TTLL9: variants seen among roughly 807,000 people sequenced by gnomAD.
TTLL9 encodes the protein tubulin tyrosine ligase like 9.
In TTLL9, 47 loss-of-function variants were observed where a neutral mutation model predicts 65.6. That is an observed-to-expected ratio of 0.72 (90% CI 0.57 to 0.91). TTLL9 has a LOEUF of 0.91. TTLL9 is among the 40% of genes least tolerant of loss of function. The pLI is 0.00. For missense variants in TTLL9, 537 were observed against 568.8 expected (o/e 0.94, Z 0.57); for synonymous variants, 179 against 204.8 (o/e 0.87, Z 1.07).
At chr20:31,913,939 G>C (rs1037820794) in intron 6 of TTLL9, among the ~76,000 whole-genome samples, 3 of 152,218 alleles carry the variant, frequency 2.0e-5, no homozygotes, top group Admixed American at 6.5e-5. Flanking sequence ...GGAGGCGACT[G>C]CTTGGCTGTC....
intron 10 of TTLL9, among the ~76,000 whole-genome samples, chr20:31,927,160 G>A (rs981486269): frequency 1.3e-5 from 2 of 151,332 alleles, no homozygotes; most frequent in Non-Finnish European, 2.9e-5. Context: ...ATATATGTTT[G>A]CTTATCTGTA....
rs563025466 is a variant in TTLL9, at chr20:31,919,007, G to A, written c.505-857G>A. Among the ~76,000 whole-genome samples the A allele has an allele frequency of 8.5e-5, 13 of 152,322 alleles. No individual in the cohort carries two copies. In the East Asian group the frequency reaches 2.5e-3, roughly 29 times the overall value. On this transcript the variant is annotated intron_variant, in intron 6 of 14. Coordinates refer to ENST00000535842, the MANE Select transcript of TTLL9 (RefSeq NM_001008409.5). ...AGAGAGCCTCGGGTGGGCCAGGTGG[G>A]CCATGCTCAGAGGAGAACAGAAGGA...
intron 6 of TTLL9, among the ~76,000 whole-genome samples, chr20:31,913,355 C>T (rs557456824): frequency 4.6e-5 from 7 of 152,172 alleles, no homozygotes; most frequent in Non-Finnish European, 7.4e-5. Context: ...GTATTAGTTC[C>T]GGGACCTTAT....
At chr20:31,890,154 C>CCTCCTTCTTTCTTTCTTTCTTTCT (rs2063281123) in intron 3 of TTLL9, among the ~76,000 whole-genome samples, 1 of 13,576 alleles carries the variant, frequency 7.4e-5, no homozygotes, top group Admixed American at 8.6e-4. Flanking sequence ...TCCTTCCTTC[C>CCTCCTTCTTTCTTTCTTTCTTTCT]TTCTTTCTTT....
At chr20:31,923,383 C>T (rs1306517070) in intron 8 of TTLL9, among the ~76,000 whole-genome samples, 4 of 152,218 alleles carry the variant, frequency 2.6e-5, no homozygotes, top group Non-Finnish European at 5.9e-5. Flanking sequence ...ACCCTGCTCT[C>T]CTGGAGCTTA....
intron 13 of TTLL9, among the ~76,000 whole-genome samples, chr20:31,938,806 G>A (rs555396957): frequency 2.6e-5 from 4 of 152,266 alleles, no homozygotes; most frequent in Non-Finnish European, 5.9e-5. Flanking sequence ...TGAACCAGGA[G>A]GCAGAAGTTG....
At chr20:31,875,033 T>G (rs1042207123) in intron 2 of TTLL9, among the ~76,000 whole-genome samples, 9 of 152,206 alleles carry the variant, frequency 5.9e-5, no homozygotes, top group African/African-American at 1.7e-4. Context: ...TACATTTGTG[T>G]TGTTTTAAGT....
intron 3 of TTLL9, among the ~76,000 whole-genome samples, chr20:31,889,976 TTCTTTCTTTCTTTC>T (rs2063264565): frequency 2.9e-5 from 1 of 34,546 alleles, no homozygotes; most frequent in African/African-American, 1.9e-4. Flanking sequence ...ATCTCTCTCT[TTCTTTCTTTCTTTC>T]TTTCTTTCTT....
Position 31,944,794 on chromosome 20 carries a change from G to A in TTLL9, c.*1773G>A, listed in dbSNP as rs2064294647. ...TATGAGCCAGAGCCAAGGAGCGGGGGGACCAGGAGAGGTGTGCCCCTGCCA... is the reference window on the plus strand; with the variant it reads ...TATGAGCCAGAGCCAAGGAGCGGGGAGACCAGGAGAGGTGTGCCCCTGCCA... On this transcript the variant is annotated 3_prime_UTR_variant, in exon 15 of 15. Transcript: ENST00000535842. The A allele has an allele frequency of 6.6e-6, 1 of 152,212 alleles. No individual in the cohort carries two copies. Among genetic ancestry groups the A allele is most frequent in the African/African-American group, 2.4e-5 (1 of 41,442 alleles). 9.4% of individuals were successfully genotyped at this position (152,212 alleles called of 1,614,324 possible).
intron 2 of TTLL9, chr20:31,879,693 C>T (rs965840561): frequency 1.7e-5 from 15 of 861,798 alleles, no homozygotes; most frequent in Non-Finnish European, 2.4e-5. Flanking sequence ...GGGACCTAGG[C>T]TGCCAGGACG....
In TTLL9 at chr20:31,925,896, C is replaced by T. The variant is rs115055710; in HGVS notation, c.706-153C>T. The T allele has an allele frequency of 1.4e-3, 2,107 of 1,551,942 alleles. 22 individuals are homozygous for T. In the African/African-American group the frequency reaches 0.026, roughly 19 times the overall value. On this transcript the variant is annotated intron_variant, in intron 9 of 14. Coordinates refer to ENST00000535842, the MANE Select transcript of TTLL9 (RefSeq NM_001008409.5). The stretch of plus-strand genomic sequence containing the variant: ...AGTACATCCCGCTGCGGGCCTGGCT[C>T]TACCGGGATGGCTTTGCCCGATTCT...
chr20:31,876,097 T>C (rs2063034184), intron 2 of TTLL9, among the ~76,000 whole-genome samples: 1 of 152,234 alleles, frequency 6.6e-6, no homozygotes, highest in Non-Finnish European at 1.5e-5. Flanking sequence ...GTTTTGGGGA[T>C]ATGTACATAC....
At chr20:31,890,462 T>C (rs1056121839) in intron 3 of TTLL9, among the ~76,000 whole-genome samples, 8 of 152,060 alleles carry the variant, frequency 5.3e-5, no homozygotes, top group African/African-American at 1.7e-4. Flanking sequence ...TCTGTTTCAT[T>C]GTGTATCGCA....
At chr20:31,911,373 G>T (rs1335727884) in intron 6 of TTLL9, among the ~76,000 whole-genome samples, 1 of 152,192 alleles carries the variant, frequency 6.6e-6, no homozygotes. Flanking sequence ...GAGCAGGAGG[G>T]TGGAGGGAGC....
intron 10 of TTLL9, among the ~76,000 whole-genome samples, chr20:31,927,018 G>C (rs192488671): frequency 1.3e-5 from 2 of 152,170 alleles, no homozygotes; most frequent in Admixed American, 1.3e-4. Context: ...ACTCAAGTGA[G>C]GTGGGAGGAT....
rs1568714572 is a variant in TTLL9, at chr20:31,870,796, C to G, written c.-159C>G. ...GAGCCCCCCGGCCGGCCCACAAACT[C>G]CCGTCCCCCTTCCGGCTCTGCCTGG... On this transcript the variant is annotated 5_prime_UTR_variant, in exon 1 of 15. Transcript: ENST00000535842. The surrounding 1 kb of genome is among the most constrained non-coding windows in gnomAD (Gnocchi z 6.6). 2 of 496,814 alleles carry G rather than the reference C, an allele frequency of 4.0e-6. No homozygotes were observed. The highest frequency in any genetic ancestry group is 6.9e-6 in the Non-Finnish European group (2 of 288,254). 30.8% of individuals were successfully genotyped at this position (496,814 alleles called of 1,614,324 possible). A position where few individuals can be genotyped will look rare whatever the true frequency, so the allele number is the denominator to read the frequency against.
chr20:31,893,211 T>C (rs2063332063), intron 3 of TTLL9, among the ~76,000 whole-genome samples: 1 of 152,174 alleles, frequency 6.6e-6, no homozygotes, highest in South Asian at 2.1e-4. Context: ...TTGATCTTTT[T>C]TTCTTTAAGC....
intron 3 of TTLL9, among the ~76,000 whole-genome samples, chr20:31,893,088 C>T (rs558571082): frequency 7.2e-5 from 11 of 152,004 alleles, no homozygotes; most frequent in Non-Finnish European, 1.6e-4. Flanking sequence ...TTTAGTGTTT[C>T]TTATAGTGTG....
Position 31,943,495 on chromosome 20 carries a change from A to G in TTLL9, c.*474A>G, listed in dbSNP as rs892140051. On this transcript the variant is annotated 3_prime_UTR_variant, in exon 15 of 15. Transcript: ENST00000535842. ...AGGAGCAAGAGTTTGGAGGCTAAGG[A>G]ACTCGTCTTTAAGCTGTGCTTACAC... 1.8e-5 allele frequency: 6 copies of G among 325,438 alleles called. No homozygotes were observed. Among genetic ancestry groups the G allele is most frequent in the African/African-American group, 1.3e-4 (6 of 46,462 alleles). 20.2% of individuals were successfully genotyped at this position (325,438 alleles called of 1,614,324 possible). A position where few individuals can be genotyped will look rare whatever the true frequency, so the allele number is the denominator to read the frequency against.
Sources: gnomAD v4.1 joint callset for allele counts (sites outside exome capture counted in the v4.1 genomes callset) on GRCh38, gnomAD v4.1.1 for gene constraint, Gnocchi (gnomAD v3.1) non-coding constraint, MANE v1.5 for transcripts, NCBI Gene and HGNC (gene_info 2026-07-23, HGNC 2026-07-21) for gene names.